LRMDA: variants seen among roughly 807,000 people sequenced by gnomAD.
LRMDA encodes leucine rich melanocyte differentiation associated.
In LRMDA, 18 loss-of-function variants were observed where a neutral mutation model predicts 29.8. The observed-to-expected ratio is 0.60, with a 90% CI of 0.42 to 0.90. The LOEUF is 0.90. Ranked by LOEUF, LRMDA falls within the 40% of genes least tolerant of loss-of-function variation. The pLI, the probability that LRMDA is intolerant of heterozygous loss-of-function variation, is 0.00. For synonymous variants in LRMDA, 125 were observed against 109.4 expected, an observed-to-expected ratio of 1.14 and a Z score of -0.89; for missense variants, 273 against 273.9, an observed-to-expected ratio of 1.00 and a Z score of 0.02.
At chr10:76,242,989 C>T (rs1347374122) in intron 5 of LRMDA, among the ~76,000 whole-genome samples, 6 of 152,106 alleles carry the variant, frequency 3.9e-5, no homozygotes, top group Admixed American at 1.3e-4. Context: ...TTGAATAAGT[C>T]GTTCTCCACC....
chr10:75,880,076 C>T (rs947727848), intron 2 of LRMDA, among the ~76,000 whole-genome samples: 1 of 152,152 alleles, frequency 6.6e-6, no homozygotes, highest in Non-Finnish European at 1.5e-5. Context: ...AAAATCATTG[C>T]TGTTTGTCGG....
At chr10:75,846,179 G>T (rs1319662393) in intron 2 of LRMDA, among the ~76,000 whole-genome samples, 2 of 128,468 alleles carry the variant, frequency 1.6e-5, no homozygotes, top group African/African-American at 3.7e-5. Context: ...GTGTGTGTTT[G>T]TGTGTGTGTG....
At chr10:75,797,423 A>G (rs1843671537) in intron 2 of LRMDA, among the ~76,000 whole-genome samples, 1 of 152,154 alleles carries the variant, frequency 6.6e-6, no homozygotes, top group Non-Finnish European at 1.5e-5. Flanking sequence ...ACATAAAATT[A>G]TTTTAAGCAT....
intron 2 of LRMDA, among the ~76,000 whole-genome samples, chr10:75,688,092 C>G (rs1286815841): frequency 1.3e-5 from 2 of 152,212 alleles, no homozygotes; most frequent in African/African-American, 4.8e-5. Flanking sequence ...GTTTTCATGC[C>G]TGCTAACACA....
At chr10:76,404,927 T>C (rs1343545347) in intron 6 of LRMDA, among the ~76,000 whole-genome samples, 1 of 152,106 alleles carries the variant, frequency 6.6e-6, no homozygotes, top group Non-Finnish European at 1.5e-5. Context: ...GTGATGTAAG[T>C]TGAAGATGAA....
chr10:75,802,954 G>GTATATA (rs1172110612), intron 2 of LRMDA, among the ~76,000 whole-genome samples: 1 of 127,534 alleles, frequency 7.8e-6, no homozygotes, highest in Non-Finnish European at 1.8e-5. Flanking sequence ...GTGTGTGTGT[G>GTATATA]TATATATATA....
chr10:75,560,612 A>C (rs908274000), intron 2 of LRMDA, among the ~76,000 whole-genome samples: 12 of 151,272 alleles, frequency 7.9e-5, no homozygotes, highest in Non-Finnish European at 1.0e-4. Context: ...GTCTTGTGCC[A>C]GTTTTCAAAG....
intron 5 of LRMDA, among the ~76,000 whole-genome samples, chr10:76,321,293 G>A (rs1046268214): frequency 6.6e-6 from 1 of 152,178 alleles, no homozygotes; most frequent in Non-Finnish European, 1.5e-5. Flanking sequence ...ATTCCCACCA[G>A]CAAGGAATGA....
At chr10:75,550,310 C>G (rs1840126992) in intron 2 of LRMDA, among the ~76,000 whole-genome samples, 1 of 152,020 alleles carries the variant, frequency 6.6e-6, no homozygotes, top group Non-Finnish European at 1.5e-5. Context: ...TCCTATTCTT[C>G]CTGGTTTTTG....
chr10:75,699,651 A>G (rs1172766568), intron 2 of LRMDA, among the ~76,000 whole-genome samples: 1 of 152,214 alleles, frequency 6.6e-6, no homozygotes, highest in Non-Finnish European at 1.5e-5. Flanking sequence ...TCATGATTTA[A>G]TACACTCATC....
At chr10:75,825,396 A>T (rs957153418) in intron 2 of LRMDA, among the ~76,000 whole-genome samples, 3 of 152,224 alleles carry the variant, frequency 2.0e-5, no homozygotes, top group East Asian at 3.8e-4. Flanking sequence ...CACGTGATTT[A>T]CCACCTATAG....
chr10:76,189,914 A>G (rs1349023769), intron 5 of LRMDA, among the ~76,000 whole-genome samples: 1 of 152,146 alleles, frequency 6.6e-6, no homozygotes, highest in Non-Finnish European at 1.5e-5. Context: ...AGTGCATCAA[A>G]TTTTATGATT....
At chr10:76,148,101 G>A (rs1361902812) in intron 5 of LRMDA, among the ~76,000 whole-genome samples, 1 of 152,198 alleles carries the variant, frequency 6.6e-6, no homozygotes. Context: ...CCCTACTGGG[G>A]GGTGCCTCCC....
At chr10:76,151,731 A>C (rs1042181394) in intron 5 of LRMDA, among the ~76,000 whole-genome samples, 3 of 152,312 alleles carry the variant, frequency 2.0e-5, no homozygotes, top group Non-Finnish European at 2.9e-5. Context: ...ATGAAAAAGC[A>C]ATTTTTTGTT....
intron 2 of LRMDA, among the ~76,000 whole-genome samples, chr10:75,597,275 C>A (rs754849723): frequency 7.9e-5 from 12 of 152,154 alleles, no homozygotes; most frequent in Admixed American, 2.6e-4. Flanking sequence ...GTAACGTGAT[C>A]ATTTTTAGTA....
chr10:76,549,210 C>G (rs1166651098), intron 6 of LRMDA, among the ~76,000 whole-genome samples: 1 of 152,168 alleles, frequency 6.6e-6, no homozygotes, highest in African/African-American at 2.4e-5. Context: ...AGCCTGCCCA[C>G]TCTGTGACTA....
At chr10:75,877,772 C>T (rs965293414) in intron 2 of LRMDA, among the ~76,000 whole-genome samples, 1 of 152,202 alleles carries the variant, frequency 6.6e-6, no homozygotes, top group Non-Finnish European at 1.5e-5. Flanking sequence ...AGGGGAGGGG[C>T]TGATGGGACT....
chr10:75,507,110 CT>C (rs147220513), intron 2 of LRMDA, among the ~76,000 whole-genome samples: 258 of 144,138 alleles, frequency 1.8e-3, no homozygotes, highest in Admixed American at 2.2e-3. Context: ...GTTCTGGCAT[CT>C]TTTTTTTTTT....
intron 5 of LRMDA, among the ~76,000 whole-genome samples, chr10:76,097,877 A>T (rs1271063729): frequency 6.6e-6 from 1 of 152,124 alleles, no homozygotes; most frequent in Non-Finnish European, 1.5e-5. Flanking sequence ...TATTCATGTG[A>T]TACTTTGTGA....
Sources: allele counts gnomAD v4.1 joint callset (sites outside exome capture counted in the v4.1 genomes callset), GRCh38; gene constraint gnomAD v4.1.1; transcripts MANE v1.5; gene names NCBI Gene and HGNC (gene_info 2026-07-23, HGNC 2026-07-21).